RBFOX1: variants seen among roughly 807,000 people sequenced by gnomAD.
RBFOX1 encodes RNA binding fox-1 homolog 1.
RBFOX1 carries 8 observed loss-of-function variants against 57.7 expected under a neutral mutation model. The observed-to-expected ratio is 0.14, with a 90% CI of 0.08 to 0.25. RBFOX1 has a LOEUF of 0.25. Among genes scored for constraint, RBFOX1 ranks in the 10% least tolerant of loss-of-function variants. The pLI is 1.00. For missense variants in RBFOX1, 611 were observed against 548.5 expected, an observed-to-expected ratio of 1.11 and a Z score of -1.14; for synonymous variants, 326 against 222.4, an observed-to-expected ratio of 1.47 and a Z score of -4.15.
chr16:7,543,475 C>T (rs894186121), intron 5 of RBFOX1, among the ~76,000 whole-genome samples: 1 of 152,150 alleles, frequency 6.6e-6, no homozygotes, highest in Non-Finnish European at 1.5e-5. Context: ...AATTGGAAAA[C>T]TCCTGGATAA....
At chr16:7,229,663 GCAA>G (rs1603399853) in intron 4 of RBFOX1, among the ~76,000 whole-genome samples, 7 of 89,456 alleles carry the variant, frequency 7.8e-5, no homozygotes, top group Admixed American at 1.1e-4. Flanking sequence ...GGGAGGAAGG[GCAA>G]AGGAAGTAAG....
At chr16:5,885,788 C>A (rs139917477) in intron 4 of RBFOX1, among the ~76,000 whole-genome samples, 54 of 152,278 alleles carry the variant, frequency 3.5e-4, no homozygotes, top group African/African-American at 1.2e-3. Context: ...TGGGCATCTG[C>A]ATCAGACCAG....
intron 11 of RBFOX1, among the ~76,000 whole-genome samples, chr16:7,650,003 G>GAGGAGGGAAGGACAGAA (rs61063366): frequency 6.7e-6 from 1 of 149,450 alleles, no homozygotes; most frequent in Admixed American, 6.7e-5. Flanking sequence ...AAAGGAAAAG[G>GAGGAGGGAAGGACAGAA]AGGAGGGAAG....
chr16:7,079,803 G>C (rs2058874375), intron 4 of RBFOX1, among the ~76,000 whole-genome samples: 1 of 151,854 alleles, frequency 6.6e-6, no homozygotes, highest in Non-Finnish European at 1.5e-5. Context: ...CTTAAGATTT[G>C]TGTGCTTTAA....
chr16:7,622,971 C>T (rs1343556924), intron 10 of RBFOX1, among the ~76,000 whole-genome samples: 2 of 152,146 alleles, frequency 1.3e-5, no homozygotes, highest in Non-Finnish European at 2.9e-5. Flanking sequence ...TAAAAGTATC[C>T]ACCGTCCATT....
intron 3 of RBFOX1, among the ~76,000 whole-genome samples, chr16:6,696,193 T>A (rs754916360): frequency 1.4e-4 from 21 of 152,334 alleles, no homozygotes; most frequent in African/African-American, 5.0e-4. Context: ...TACTCTCTAG[T>A]TGATATAATA....
intron 1 of RBFOX1, among the ~76,000 whole-genome samples, chr16:6,132,468 T>G (rs971210771): frequency 6.6e-6 from 1 of 152,174 alleles, no homozygotes; most frequent in Non-Finnish European, 1.5e-5. Flanking sequence ...AAATTGATGT[T>G]TGTTGCGTTC....
chr16:7,226,355 C>A (rs1475191080), intron 4 of RBFOX1, among the ~76,000 whole-genome samples: 1 of 152,194 alleles, frequency 6.6e-6, no homozygotes, highest in Admixed American at 6.5e-5. Context: ...GTGTAATGCC[C>A]ACCTGAAGAG....
intron 4 of RBFOX1, among the ~76,000 whole-genome samples, chr16:7,441,512 G>A (rs1313780099): frequency 6.6e-6 from 1 of 152,070 alleles, no homozygotes; most frequent in African/African-American, 2.4e-5. Context: ...ACTGGTATCT[G>A]TTTCTCTCCT....
chr16:6,364,812 G>A (rs1049041012), intron 2 of RBFOX1, among the ~76,000 whole-genome samples: 2 of 152,218 alleles, frequency 1.3e-5, no homozygotes, highest in Non-Finnish European at 2.9e-5. Flanking sequence ...CCCTCTGCCT[G>A]GTTGGCTGAC....
chr16:7,185,816 C>G (rs1327279090), intron 4 of RBFOX1, among the ~76,000 whole-genome samples: 2 of 152,146 alleles, frequency 1.3e-5, no homozygotes, highest in African/African-American at 4.8e-5. Context: ...CAGTCAGACT[C>G]TCAGGTACTT....
intron 3 of RBFOX1, among the ~76,000 whole-genome samples, chr16:5,672,319 T>C (rs1415764404): frequency 1.3e-5 from 2 of 152,188 alleles, no homozygotes; most frequent in African/African-American, 4.8e-5. Flanking sequence ...GTTATTCTGA[T>C]GCCATGTGTC....
At chr16:6,281,780 C>G (rs180689411) in intron 1 of RBFOX1, among the ~76,000 whole-genome samples, 11 of 152,226 alleles carry the variant, frequency 7.2e-5, no homozygotes, top group African/African-American at 2.6e-4. Flanking sequence ...TTTTCACAGA[C>G]TCCTCTTAGA....
intron 1 of RBFOX1, among the ~76,000 whole-genome samples, chr16:5,400,643 C>T (rs907354344): frequency 4.0e-5 from 6 of 151,680 alleles, no homozygotes; most frequent in Admixed American, 1.3e-4. Flanking sequence ...AGTTTAATTT[C>T]CCCTTCCAGT....
At chr16:5,824,225 G>C (rs992148458) in intron 3 of RBFOX1, among the ~76,000 whole-genome samples, 1 of 152,216 alleles carries the variant, frequency 6.6e-6, no homozygotes, top group African/African-American at 2.4e-5. Context: ...GGGCGCCAGA[G>C]TCTGCGCCAG....
chr16:7,084,915 C>T (rs1482330765), intron 4 of RBFOX1, among the ~76,000 whole-genome samples: 1 of 152,144 alleles, frequency 6.6e-6, no homozygotes, highest in Non-Finnish European at 1.5e-5. Context: ...GCCATTCAGC[C>T]ATCCATCCAT....
intron 3 of RBFOX1, among the ~76,000 whole-genome samples, chr16:6,706,836 G>C (rs114002730): frequency 0.016 from 2,379 of 151,982 alleles, 76 homozygotes; most frequent in African/African-American, 0.054. Flanking sequence ...AATAATAGGT[G>C]ACCAGAAGTC....
intron 3 of RBFOX1, among the ~76,000 whole-genome samples, chr16:6,893,107 C>T (rs776904193): frequency 3.9e-5 from 6 of 152,104 alleles, no homozygotes; most frequent in Non-Finnish European, 8.8e-5. Context: ...TCCTAGATTC[C>T]ATTCACAGGA....
At chr16:5,721,681 G>C (rs1228156129) in intron 3 of RBFOX1, among the ~76,000 whole-genome samples, 1 of 152,176 alleles carries the variant, frequency 6.6e-6, no homozygotes, top group Non-Finnish European at 1.5e-5. Context: ...ATGAAAGGTT[G>C]CTAGGTTTTG....
Sources: gnomAD v4.1 joint callset for allele counts (sites outside exome capture counted in the v4.1 genomes callset) on GRCh38, gnomAD v4.1.1 for gene constraint, MANE v1.5 for transcripts, NCBI Gene and HGNC (gene_info 2026-07-23, HGNC 2026-07-21) for gene names.